The following NAA15 variants were observed in gnomAD, a reference collection of about 807,000 sequenced individuals.
The protein encoded by NAA15 is N-alpha-acetyltransferase 15, NatA auxiliary subunit.
Under a neutral mutation model 114.0 loss-of-function variants are expected in NAA15, and 34 were observed. That is an observed-to-expected ratio of 0.30 (90% CI 0.23 to 0.40). The LOEUF is 0.40. Ranked by LOEUF, NAA15 falls within the 10% of genes least tolerant of loss-of-function variation. The pLI is 1.00. For missense variants in NAA15, 658 were observed against 1,004.5 expected (o/e 0.66, Z 4.66); for synonymous variants, 340 against 338.0 (o/e 1.01, Z -0.06).
intron 9 of NAA15, among the ~76,000 whole-genome samples, chr4:139,352,408 C>T (rs968876533): frequency 6.6e-6 from 1 of 151,892 alleles, no homozygotes; most frequent in African/African-American, 2.4e-5. Flanking sequence ...CGTGCCTGGC[C>T]AAGGGTATTT....
chr4:139,359,728 T>A lies in NAA15; in HGVS notation c.1258-15T>A. ...AGCATGCTAACTGGTTTATTTTGCT[T>A]TTGTACCTTATAAGCATGCTGGAAA... On this transcript the variant is annotated splice_polypyrimidine_tract_variant and intron_variant, in intron 11 of 19. Transcript: ENST00000296543. The A allele has an allele frequency of 1.3e-6, 2 of 1,591,838 alleles. No homozygotes were observed. The highest frequency in any genetic ancestry group is 1.7e-6 in the Non-Finnish European group (2 of 1,174,726).
intron 10 of NAA15, 64 bp from the exon 11 acceptor site, chr4:139,357,322 T>G: frequency 4.2e-6 from 6 of 1,422,222 alleles, no homozygotes; most frequent in Non-Finnish European, 5.9e-6. Context: ...ATAGGGACCA[T>G]TTTGGGGGGT....
chr4:139,361,650 C>T, intron 13 of NAA15, 74 bp from the exon 14 acceptor site: 2 of 887,858 alleles, frequency 2.3e-6, no homozygotes, highest in Non-Finnish European at 1.7e-6. Flanking sequence ...AACAAGTATT[C>T]CAATGCTTTG....
intron 9 of NAA15, among the ~76,000 whole-genome samples, chr4:139,352,874 G>A (rs1747827225): frequency 6.6e-6 from 1 of 151,566 alleles, no homozygotes; most frequent in South Asian, 2.1e-4. Context: ...GACCATGTTG[G>A]CCAGGCTGGT....
chr4:139,312,764 T>G (rs1199130761), intron 1 of NAA15, among the ~76,000 whole-genome samples: 1 of 151,702 alleles, frequency 6.6e-6, no homozygotes, highest in Non-Finnish European at 1.5e-5. Flanking sequence ...GAGGACCGCT[T>G]GAGCCTAGGA....
Position 139,370,318 on chromosome 4 carries a change from C to A in NAA15, c.1861C>A (p.Gln621Lys). ...AAAAAATGCAGAAAAAGAAAAGCAG[C>A]AGAGAAATCAGAAAAAGAAGAAGGA... ...EKKNAEKEKQ[Q>K]RNQKKKKDDD... Residue 621 changes from glutamine to lysine, a missense_variant, in exon 15 of 20, where the codon CAG becomes AAG. Gln to Lys is a moderately conservative substitution (Grantham distance 53, BLOSUM62 1). Coordinates refer to ENST00000296543, the MANE Select transcript of NAA15 (RefSeq NM_057175.5). 1 of 1,595,058 alleles carries A rather than the reference C, an allele frequency of 6.3e-7. No individual in the cohort carries two copies. Among genetic ancestry groups the A allele is most frequent in the Non-Finnish European group, 8.6e-7 (1 of 1,168,966 alleles).
At chr4:139,308,049 C>G (rs531155668) in intron 1 of NAA15, among the ~76,000 whole-genome samples, 33 of 152,044 alleles carry the variant, frequency 2.2e-4, no homozygotes, top group Non-Finnish European at 4.3e-4. Context: ...GCATGCTCTG[C>G]CTCCCGGGTT....
Position 139,343,446 on chromosome 4 carries a change from C to A in NAA15, c.537+486C>A, listed in dbSNP as rs568494444. Reference sequence around the variant, plus strand: ...TTGCAGGATCCAATTAAGAATCATACCTTACATTTAGTTATCATTTCTCTT... The same window carrying A: ...TTGCAGGATCCAATTAAGAATCATAACTTACATTTAGTTATCATTTCTCTT... On this transcript the variant is annotated intron_variant, in intron 5 of 19. Transcript: ENST00000296543. Among the ~76,000 whole-genome samples, 6 of 152,328 alleles carry A rather than the reference C, an allele frequency of 3.9e-5. No individual in the cohort carries two copies. In the East Asian group the frequency reaches 1.2e-3, roughly 29 times the overall value.
intron 19 of NAA15, among the ~76,000 whole-genome samples, chr4:139,386,888 T>C (rs116705284): frequency 0.01 from 1,535 of 152,286 alleles, 16 homozygotes; most frequent in Middle Eastern, 0.017. Context: ...TGTAATACAA[T>C]ATGAGATTAA....
At chr4:139,371,969 G>A (rs1204390092) in intron 15 of NAA15, among the ~76,000 whole-genome samples, 1 of 152,162 alleles carries the variant, frequency 6.6e-6, no homozygotes, top group Non-Finnish European at 1.5e-5. Context: ...AGGCTGGAGT[G>A]CAGTGGCGCG....
At chr4:139,314,754 C>G (rs1171612050) in intron 1 of NAA15, among the ~76,000 whole-genome samples, 5 of 151,276 alleles carry the variant, frequency 3.3e-5, no homozygotes, top group East Asian at 4.0e-4. Flanking sequence ...CTTGGCTTAC[C>G]TCAACCTCTG....
chr4:139,332,192 G>T (rs1173854979), intron 1 of NAA15, among the ~76,000 whole-genome samples: 1 of 152,000 alleles, frequency 6.6e-6, no homozygotes, highest in South Asian at 2.1e-4. Context: ...GTGCAGTAGC[G>T]CAATCTCGGC....
chr4:139,315,051 G>GTTAGGTTAGGTTAGTTTAGTTTAGT (rs1553992557), intron 1 of NAA15, among the ~76,000 whole-genome samples: 7 of 112,396 alleles, frequency 6.2e-5, no homozygotes, highest in East Asian at 4.8e-4. Context: ...GTTAGGTTAG[G>GTTAGGTTAGGTTAGTTTAGTTTAGT]TTAGTTTAGT....
In NAA15 at chr4:139,359,850, C is replaced by T. The variant is rs749515038; in HGVS notation, c.1365C>T (p.Ala455=). The change falls in exon 12 of 20, where the codon GCC becomes GCT. Residue 455 remains alanine (A), a synonymous_variant. Coordinates refer to ENST00000296543, the MANE Select transcript of NAA15 (RefSeq NM_057175.5). ...AATGTGCAAAATACATGCTAAAAGC[C>T]AACCTGATTAAAGAAGCTGAAGAAA... The part of the protein sequence containing the change: ...NSKCAKYMLK[A]NLIKEAEEMC... The T allele has an allele frequency of 1.2e-6, 2 of 1,605,880 alleles. No individual in the cohort carries two copies. The highest frequency in any genetic ancestry group is 1.7e-6 in the Non-Finnish European group (2 of 1,178,364).
rs550786054 is a variant in NAA15, at chr4:139,377,349, C to G, written c.2056+876C>G. ...GTCGGGAGTTTGACACCAGCCTGAC[C>G]AACATGGAGAAACCCCGTCTCTACT... On this transcript the variant is annotated intron_variant, in intron 16 of 19. Coordinates refer to ENST00000296543, the MANE Select transcript of NAA15 (RefSeq NM_057175.5). Among the ~76,000 whole-genome samples, 11 of 152,120 alleles carry G rather than the reference C, an allele frequency of 7.2e-5. No homozygotes were observed. The East Asian group carries it at 2.1e-3, about 29-fold the overall frequency.
intron 1 of NAA15, among the ~76,000 whole-genome samples, chr4:139,327,377 G>A (rs1427147612): frequency 6.6e-6 from 1 of 152,178 alleles, no homozygotes; most frequent in East Asian, 1.9e-4. Flanking sequence ...AGCCTCCCAA[G>A]TAGCTGGGAC....
intron 5 of NAA15, 120 bp downstream of exon 5, chr4:139,343,080 A>G (rs1375039713): frequency 3.4e-6 from 3 of 873,256 alleles, no homozygotes; most frequent in Non-Finnish European, 5.2e-6. Flanking sequence ...AGTTGCAGGA[A>G]TAGCACAAAG....
At chr4:139,307,867 G>A (rs1746076285) in intron 1 of NAA15, among the ~76,000 whole-genome samples, 1 of 152,086 alleles carries the variant, frequency 6.6e-6, no homozygotes, top group Admixed American at 6.6e-5. Context: ...AACTATTTAG[G>A]GGAGGGGTGT....
intron 1 of NAA15, among the ~76,000 whole-genome samples, chr4:139,327,017 C>T (rs1746824493): frequency 6.6e-6 from 1 of 152,026 alleles, no homozygotes; most frequent in African/African-American, 2.4e-5. Flanking sequence ...TTCACTGCAG[C>T]CTCAACCTCC....
Sources: gnomAD v4.1 joint callset for allele counts (sites outside exome capture counted in the v4.1 genomes callset) on GRCh38, gnomAD v4.1.1 for gene constraint, MANE v1.5 for transcripts, NCBI Gene and HGNC (gene_info 2026-07-23, HGNC 2026-07-21) for gene names.